Variants in RPS6KC1 observed in about 807,000 individuals in gnomAD.
RPS6KC1 encodes the protein inactive ribosomal protein S6 kinase delta-1.
A neutral mutation model predicts 103.8 loss-of-function variants in RPS6KC1; 54 were observed. The ratio of observed to expected loss-of-function variants is 0.52; its 90% CI spans 0.42 to 0.65. The LOEUF (loss-of-function observed/expected upper bound fraction) is 0.65, where lower values mean the gene tolerates loss of function less well. Ranked by LOEUF, RPS6KC1 falls within the 30% of genes least tolerant of loss-of-function variation. The probability of loss-of-function intolerance (pLI) is 0.00; values close to 1 mark genes in which losing one functional copy is unlikely to be tolerated. For synonymous variants in RPS6KC1, 439 were observed against 438.7 expected (o/e 1.00, Z -0.01); for missense variants, 1,151 against 1,253.8 (o/e 0.92, Z 1.24).
At chr1:213,861,931 C>T in the RPS6KC1 span, among the ~76,000 whole-genome samples, 5 of 152,142 alleles carry the variant, frequency 3.3e-5, no homozygotes, top group African/African-American at 7.2e-5. Flanking sequence ...GTGCCACCAT[C>T]GCCCTCTTTG....
At chr1:213,425,868 G>A in the RPS6KC1 span, among the ~76,000 whole-genome samples, 1 of 152,158 alleles carries the variant, frequency 6.6e-6, no homozygotes, top group Non-Finnish European at 1.5e-5. Context: ...CGGGGCGGAT[G>A]CTGAAGGATG....
chr1:213,295,993 AT>A, the RPS6KC1 span, among the ~76,000 whole-genome samples: 1 of 152,192 alleles, frequency 6.6e-6, no homozygotes, highest in East Asian at 1.9e-4. Context: ...CAATTTTAGA[AT>A]ATTTCTGTCT....
the RPS6KC1 span, among the ~76,000 whole-genome samples, chr1:213,413,987 G>A: frequency 6.6e-6 from 1 of 152,192 alleles, no homozygotes; most frequent in Non-Finnish European, 1.5e-5. Flanking sequence ...CAGGAGGTCT[G>A]TCTGTCCTCT....
chr1:213,560,159 AC>A, the RPS6KC1 span, among the ~76,000 whole-genome samples: 1 of 152,174 alleles, frequency 6.6e-6, no homozygotes, highest in Non-Finnish European at 1.5e-5. Flanking sequence ...CCTGATATAC[AC>A]ATACCTTCTT....
the RPS6KC1 span, among the ~76,000 whole-genome samples, chr1:213,505,598 CA>C: frequency 6.6e-6 from 1 of 152,198 alleles, no homozygotes; most frequent in Non-Finnish European, 1.5e-5. Context: ...AAGTGCTCAA[CA>C]GCAATATCTA....
At chr1:213,440,585 A>G in the RPS6KC1 span, among the ~76,000 whole-genome samples, 6 of 136,490 alleles carry the variant, frequency 4.4e-5, no homozygotes, top group Admixed American at 4.8e-4. Flanking sequence ...TGTACATATT[A>G]ATGGAACTAA....
chr1:213,114,453 T>G (rs2083360455), intron 4 of RPS6KC1, among the ~76,000 whole-genome samples: 1 of 150,512 alleles, frequency 6.6e-6, no homozygotes, highest in Admixed American at 6.6e-5. Context: ...AAGGAGATTT[T>G]GGGCTGAGAC....
At chr1:213,781,798 C>A in the RPS6KC1 span, among the ~76,000 whole-genome samples, 4 of 152,086 alleles carry the variant, frequency 2.6e-5, no homozygotes, top group East Asian at 1.9e-4. Context: ...AAGTAAAGGA[C>A]AATTTGGCAA....
chr1:213,543,673 G>A, the RPS6KC1 span, among the ~76,000 whole-genome samples: 1 of 152,228 alleles, frequency 6.6e-6, no homozygotes, highest in South Asian at 2.1e-4. Flanking sequence ...TGTCTTCCTT[G>A]GGAAACCATC....
intron 5 of RPS6KC1, among the ~76,000 whole-genome samples, chr1:213,119,625 G>T (rs2084156747): frequency 6.6e-6 from 1 of 151,306 alleles, no homozygotes; most frequent in African/African-American, 2.4e-5. Context: ...TCTATAATAA[G>T]CTTCTGTTAC....
the RPS6KC1 span, among the ~76,000 whole-genome samples, chr1:213,767,988 G>C: frequency 4.5e-3 from 691 of 152,284 alleles, 7 homozygotes; most frequent in African/African-American, 0.016. Flanking sequence ...TAGGGAAAAG[G>C]GGTGTCCCTA....
the RPS6KC1 span, among the ~76,000 whole-genome samples, chr1:213,643,543 A>G: frequency 1.3e-5 from 2 of 151,834 alleles, no homozygotes; most frequent in South Asian, 4.1e-4. Context: ...TTTCAGTTAA[A>G]TCTTTTAGAT....
the RPS6KC1 span, among the ~76,000 whole-genome samples, chr1:213,639,778 G>T: frequency 6.6e-6 from 1 of 151,638 alleles, no homozygotes; most frequent in East Asian, 1.9e-4. Flanking sequence ...TTTAAAAAAA[G>T]ATATTTCTCT....
chr1:213,650,628 G>C, the RPS6KC1 span, among the ~76,000 whole-genome samples: 2 of 152,118 alleles, frequency 1.3e-5, no homozygotes, highest in Non-Finnish European at 2.9e-5. Context: ...CTGGGGAGTG[G>C]GGAACTGTTT....
chr1:213,819,577 T>C, the RPS6KC1 span: 1 of 152,246 alleles, frequency 6.6e-6, no homozygotes, highest in Non-Finnish European at 1.5e-5. Context: ...TGACTTAATC[T>C]TTCCGAACAT....
intron 8 of RPS6KC1, among the ~76,000 whole-genome samples, chr1:213,219,542 A>G (rs2841431): frequency 0.021 from 3,134 of 152,300 alleles, 107 homozygotes; most frequent in African/African-American, 0.07. Context: ...ACATGCTGCT[A>G]TAAAGACACA....
chr1:213,059,951 G>A (rs1168542416), intron 1 of RPS6KC1, among the ~76,000 whole-genome samples: 1 of 152,118 alleles, frequency 6.6e-6, no homozygotes, highest in Non-Finnish European at 1.5e-5. Context: ...GATTACAGGC[G>A]TGAGCCACTG....
intron 1 of RPS6KC1, among the ~76,000 whole-genome samples, chr1:213,070,283 T>C (rs2078750702): frequency 6.6e-6 from 1 of 152,356 alleles, no homozygotes; most frequent in East Asian, 1.9e-4. Context: ...ATAGGCTTGC[T>C]GGGAAGGGGA....
At chr1:213,621,969 G>A in the RPS6KC1 span, among the ~76,000 whole-genome samples, 2 of 152,156 alleles carry the variant, frequency 1.3e-5, no homozygotes, top group East Asian at 3.9e-4. Flanking sequence ...GGATCACTGT[G>A]TTAGCCCTGT....
Sources: allele counts gnomAD v4.1 joint callset (sites outside exome capture counted in the v4.1 genomes callset), GRCh38; gene constraint gnomAD v4.1.1; transcripts MANE v1.5; gene names NCBI Gene and HGNC (gene_info 2026-07-23, HGNC 2026-07-21).